ECT2L: variants seen among roughly 807,000 people sequenced by gnomAD.
The protein encoded by ECT2L is epithelial cell transforming 2 like, also known as epithelial cell-transforming sequence 2 oncogene-like.
ECT2L carries 126 observed loss-of-function variants against 122.8 expected under a neutral mutation model. The observed-to-expected ratio is 1.03, with a 90% CI of 0.89 to 1.19. The LOEUF (loss-of-function observed/expected upper bound fraction) is 1.19. Among genes scored for constraint, ECT2L ranks in the 50% most tolerant of loss-of-function variants. ECT2L has a pLI of 0.00. For synonymous variants in ECT2L, 385 were observed against 381.8 expected (o/e 1.01, Z -0.10); for missense variants, 1,012 against 1,064.1 (o/e 0.95, Z 0.68).
chr6:138,800,916 T>G (rs1404572418), intron 1 of ECT2L, among the ~76,000 whole-genome samples: 1 of 152,066 alleles, frequency 6.6e-6, no homozygotes, highest in East Asian at 1.9e-4. Flanking sequence ...TGCTCTCTGC[T>G]TCCAAGACGA....
intron 13 of ECT2L, among the ~76,000 whole-genome samples, chr6:138,876,227 G>C (rs1582646161): frequency 6.6e-6 from 1 of 152,198 alleles, no homozygotes; most frequent in African/African-American, 2.4e-5. Context: ...AAGGAAGAGG[G>C]AGCTACGCTG....
intron 21 of ECT2L, 93 bp downstream of exon 21, chr6:138,901,213 T>C (rs1779386014): frequency 7.7e-7 from 1 of 1,307,172 alleles, no homozygotes; most frequent in African/African-American, 1.5e-5. Flanking sequence ...GGACTGGAAT[T>C]ATAATTTACC....
At chr6:138,863,771 AC>A (rs1777924284) in intron 11 of ECT2L, among the ~76,000 whole-genome samples, 2 of 151,560 alleles carry the variant, frequency 1.3e-5, no homozygotes, top group Admixed American at 1.3e-4. Context: ...ATGTGCCACC[AC>A]GCCCGACTAA....
chr6:138,828,830 G>A (rs1776547503), intron 4 of ECT2L, among the ~76,000 whole-genome samples: 1 of 152,106 alleles, frequency 6.6e-6, no homozygotes, highest in Non-Finnish European at 1.5e-5. Flanking sequence ...ATAAACTCAT[G>A]AACTTAAGTA....
At chr6:138,899,938 C>G (rs960622331) in intron 20 of ECT2L, among the ~76,000 whole-genome samples, 1 of 152,136 alleles carries the variant, frequency 6.6e-6, no homozygotes, top group South Asian at 2.1e-4. Context: ...ACAGTGAGGC[C>G]TGCCCAACAC....
In ECT2L at chr6:138,882,752, C is replaced by T. The variant is rs377200000; in HGVS notation, c.1909C>T (p.Leu637=). ...RQFLDNLRDR[L]QEWGPAHCVG... ...GTTTCTAGATAACCTGAGAGACAGA[C>T]TGCAGGAATGGGGCCCAGCTCACTG... The change falls in exon 16 of 22, where the codon CTG becomes TTG. Residue 637 remains leucine (L), a synonymous_variant. Transcript: ENST00000541398. 48 of 1,614,088 alleles carry T rather than the reference C, an allele frequency of 3.0e-5. No homozygotes were observed. Among genetic ancestry groups the T allele is most frequent in the Middle Eastern group, 1.6e-4 (1 of 6,084 alleles).
At chr6:138,896,157 C>T (rs763045304) in intron 20 of ECT2L, among the ~76,000 whole-genome samples, 21 of 149,304 alleles carry the variant, frequency 1.4e-4, no homozygotes, top group Non-Finnish European at 2.5e-4. Context: ...TCTTGAATTC[C>T]TTGGCTCAGA....
chr6:138,811,658 C>G (rs944746640), intron 1 of ECT2L, among the ~76,000 whole-genome samples: 2 of 152,034 alleles, frequency 1.3e-5, no homozygotes, highest in Non-Finnish European at 2.9e-5. Context: ...TTACAGCAAG[C>G]TATGATTTTT....
Position 138,814,535 on chromosome 6 carries a change from C to A in ECT2L, c.111C>A (p.Leu37=). 6.2e-7 allele frequency: 1 copy of A among 1,612,688 alleles called. No homozygotes were observed. The highest frequency in any genetic ancestry group is 8.5e-7 in the Non-Finnish European group (1 of 1,179,080). ...CTCTTATAAGTCATTGGTTTGACCT[C>A]TGGACTAACAAGCAACGTCAAGAAT... is the stretch of plus-strand genomic sequence containing the variant. ...RVALISHWFD[L]WTNKQRQEFL... Residue 37 remains leucine (L), a synonymous_variant, in exon 4 of 22, where the codon CTC becomes CTA. Transcript: ENST00000541398.
chr6:138,884,609 G>T (rs1042357972), intron 16 of ECT2L, among the ~76,000 whole-genome samples: 2 of 152,014 alleles, frequency 1.3e-5, no homozygotes, highest in Non-Finnish European at 2.9e-5. Flanking sequence ...CTCTACTCCA[G>T]CCTGGATGAC....
chr6:138,876,670 T>G, intron 14 of ECT2L, 112 bp downstream of exon 14: 5 of 468,444 alleles, frequency 1.1e-5, no homozygotes, highest in Non-Finnish European at 1.1e-5. Context: ...TTTGGGGGAT[T>G]AAAAAAAAAA....
chr6:138,864,791 C>A (rs963153334), intron 11 of ECT2L, among the ~76,000 whole-genome samples: 2 of 152,190 alleles, frequency 1.3e-5, no homozygotes, highest in African/African-American at 4.8e-5. Context: ...AGTAGACATG[C>A]ATTTGAAATG....
rs1456500992 is a variant in ECT2L at position 138,822,012 on chromosome 6, G to A, written c.179+7409G>A. Among the ~76,000 whole-genome samples, 13 of 152,382 alleles carry A rather than the reference G, an allele frequency of 8.5e-5. No individual in the cohort carries two copies. In the South Asian group the frequency reaches 1.9e-3, roughly 22 times the overall value. On this transcript the variant is annotated intron_variant, in intron 4 of 21. Coordinates refer to ENST00000541398, the MANE Select transcript of ECT2L (RefSeq NM_001077706.3). ...CTTCAGACTTCTGACCTCCAGAACC[G>A]TAAGAAGATCAGTCTGTGCTGCTTT... is the stretch of plus-strand genomic sequence containing the variant.
chr6:138,798,223 T>C (rs139359312), intron 1 of ECT2L, among the ~76,000 whole-genome samples: 2 of 152,292 alleles, frequency 1.3e-5, no homozygotes, highest in Non-Finnish European at 2.9e-5. Context: ...GATGACATCA[T>C]TGGCCATTGG....
chr6:138,854,815 C>T (rs1375718683), intron 10 of ECT2L, among the ~76,000 whole-genome samples: 1 of 152,192 alleles, frequency 6.6e-6, no homozygotes. Context: ...GAATCAGCAA[C>T]TGTGATTCAA....
intron 7 of ECT2L, 112 bp downstream of exon 7, chr6:138,844,692 C>A: frequency 1.1e-6 from 1 of 951,450 alleles, no homozygotes; most frequent in Non-Finnish European, 1.6e-6. Flanking sequence ...TGGCTCATAT[C>A]CTATGAAATA....
chr6:138,825,537 C>G (rs368532836), intron 4 of ECT2L, among the ~76,000 whole-genome samples: 64 of 152,010 alleles, frequency 4.2e-4, no homozygotes, highest in African/African-American at 1.5e-3. Context: ...GAGCTGAGAT[C>G]GTGCAATTGC....
At chr6:138,845,758 A>G (rs1777198792) in intron 7 of ECT2L, among the ~76,000 whole-genome samples, 1 of 152,208 alleles carries the variant, frequency 6.6e-6, no homozygotes, top group Non-Finnish European at 1.5e-5. Flanking sequence ...ATGTACATTT[A>G]CTTGTTCAAG....
chr6:138,861,192 T>G (rs758244428), intron 10 of ECT2L, among the ~76,000 whole-genome samples: 1 of 152,216 alleles, frequency 6.6e-6, no homozygotes, highest in South Asian at 2.1e-4. Context: ...TAAACATACA[T>G]GTTCATGTGT....
Sources: gnomAD v4.1 joint callset for allele counts (sites outside exome capture counted in the v4.1 genomes callset) on GRCh38, gnomAD v4.1.1 for gene constraint, MANE v1.5 for transcripts, NCBI Gene and HGNC (gene_info 2026-07-23, HGNC 2026-07-21) for gene names.